Variants in PACRG observed in about 807,000 individuals in gnomAD.
The protein encoded by PACRG is parkin coregulated, also known as parkin coregulated gene protein.
A neutral mutation model predicts 29.7 loss-of-function variants in PACRG; 29 were observed. That is an observed-to-expected ratio of 0.98 (90% CI 0.73 to 1.33). The LOEUF (loss-of-function observed/expected upper bound fraction) is 1.33, where lower values mean the gene tolerates loss of function less well. PACRG is among the 40% of genes most tolerant of loss of function. The probability of loss-of-function intolerance (pLI) is 0.00; values close to 1 mark genes in which losing one functional copy is unlikely to be tolerated. For missense variants in PACRG, 279 were observed against 316.2 expected, an observed-to-expected ratio of 0.88 and a Z score of 0.89; for synonymous variants, 116 against 118.7, an observed-to-expected ratio of 0.98 and a Z score of 0.15.
chr6:162,900,403 C>T (rs1291720145), intron 2 of PACRG, among the ~76,000 whole-genome samples: 1 of 152,156 alleles, frequency 6.6e-6, no homozygotes, highest in African/African-American at 2.4e-5. Context: ...GACGTGATAG[C>T]GTGCAAGACT....
chr6:162,830,681 T>G (rs1234937645), intron 2 of PACRG, among the ~76,000 whole-genome samples: 1 of 152,228 alleles, frequency 6.6e-6, no homozygotes, highest in Non-Finnish European at 1.5e-5. Flanking sequence ...AGGATGGTGA[T>G]CTAGTTGAAA....
intron 4 of PACRG, among the ~76,000 whole-genome samples, chr6:163,287,478 G>C (rs1388523219): frequency 6.6e-6 from 1 of 152,176 alleles, no homozygotes; most frequent in Non-Finnish European, 1.5e-5. Context: ...CTCCTGCGGA[G>C]GCTGCCCAGG....
chr6:163,063,331 G>A (rs896003763), intron 3 of PACRG, among the ~76,000 whole-genome samples: 1 of 151,854 alleles, frequency 6.6e-6, no homozygotes. Context: ...TGCTCCCCCC[G>A]CCCCAAGTTC....
intron 1 of PACRG, among the ~76,000 whole-genome samples, chr6:162,791,199 T>G (rs1361800462): frequency 2.0e-5 from 3 of 152,106 alleles, no homozygotes; most frequent in Non-Finnish European, 4.4e-5. Flanking sequence ...ACATAGATAC[T>G]TAACTTAGAT....
intron 2 of PACRG, among the ~76,000 whole-genome samples, chr6:162,977,000 G>A (rs1245973045): frequency 6.6e-6 from 1 of 151,998 alleles, no homozygotes; most frequent in Non-Finnish European, 1.5e-5. Flanking sequence ...CACTGTACAA[G>A]TCCTAAGAAA....
chr6:163,138,327 G>C (rs1817019968), intron 4 of PACRG, among the ~76,000 whole-genome samples: 1 of 152,120 alleles, frequency 6.6e-6, no homozygotes, highest in African/African-American at 2.4e-5. Context: ...ACAACCATGG[G>C]GGCGTATCTG....
intron 1 of PACRG, among the ~76,000 whole-genome samples, chr6:162,761,067 C>G (rs1375503701): frequency 6.6e-6 from 1 of 152,174 alleles, no homozygotes; most frequent in Non-Finnish European, 1.5e-5. Flanking sequence ...TCTGGCCACT[C>G]TTCACCACAG....
At chr6:162,835,688 T>A (rs893612596) in intron 2 of PACRG, among the ~76,000 whole-genome samples, 5 of 152,094 alleles carry the variant, frequency 3.3e-5, no homozygotes, top group African/African-American at 1.2e-4. Context: ...TGTTGTGTGG[T>A]GTTATATATT....
chr6:162,852,005 G>GAGGAAGGAAGGAA (rs1031155296), intron 2 of PACRG, among the ~76,000 whole-genome samples: 1 of 116,030 alleles, frequency 8.6e-6, no homozygotes, highest in African/African-American at 3.4e-5. Flanking sequence ...GGGAGGGAGG[G>GAGGAAGGAAGGAA]AGGAAGGAAG....
chr6:162,889,415 T>C (rs1794599342), intron 2 of PACRG, among the ~76,000 whole-genome samples: 1 of 152,208 alleles, frequency 6.6e-6, no homozygotes, highest in African/African-American at 2.4e-5. Flanking sequence ...TACTTCAAAC[T>C]ATTCTGAGTT....
intron 4 of PACRG, among the ~76,000 whole-genome samples, chr6:163,241,426 A>G (rs1212700721): frequency 1.3e-5 from 2 of 152,226 alleles, no homozygotes; most frequent in African/African-American, 4.8e-5. Context: ...AGGTGTGTGT[A>G]TGTAATACGC....
chr6:163,147,859 C>T (rs189908986), intron 4 of PACRG, among the ~76,000 whole-genome samples: 1 of 152,312 alleles, frequency 6.6e-6, no homozygotes, highest in Non-Finnish European at 1.5e-5. Context: ...CAATGCCCCT[C>T]TAGCACCTTT....
rs182515345 is a variant in PACRG, at chr6:162,849,750, C to T, written c.291+35469C>T. Among the ~76,000 whole-genome samples, 124 of 152,182 alleles carry T rather than the reference C, an allele frequency of 8.1e-4. No individual in the cohort carries two copies. The East Asian group carries it at 0.012, about 14-fold the overall frequency. On this transcript the variant is annotated intron_variant, in intron 2 of 4. Transcript: ENST00000366888. ...AATTAGACTATAACTTGTAAGTTTTCGATTTTTGAAATATCTAAATATTAA... is the reference window on the plus strand; with the variant it reads ...AATTAGACTATAACTTGTAAGTTTTTGATTTTTGAAATATCTAAATATTAA...
At chr6:162,981,305 A>ATATATATTTTTTTTT (rs925663285) in intron 2 of PACRG, among the ~76,000 whole-genome samples, 102 of 149,156 alleles carry the variant, frequency 6.8e-4, no homozygotes, top group African/African-American at 2.4e-3. Flanking sequence ...ATATATATAT[A>ATATATATTTTTTTTT]TTTACAATGG....
intron 4 of PACRG, among the ~76,000 whole-genome samples, chr6:163,184,080 C>A (rs1436104467): frequency 6.6e-6 from 1 of 152,140 alleles, no homozygotes; most frequent in Admixed American, 6.5e-5. Flanking sequence ...TTATTTTATT[C>A]TTATTGAACT....
chr6:162,751,511 G>A (rs549591083), intron 1 of PACRG, among the ~76,000 whole-genome samples: 2 of 151,942 alleles, frequency 1.3e-5, no homozygotes, highest in Non-Finnish European at 2.9e-5. Flanking sequence ...TAAAAAGTAT[G>A]AGTTTTCTAT....
intron 1 of PACRG, among the ~76,000 whole-genome samples, chr6:162,758,207 C>T (rs889646287): frequency 1.3e-5 from 2 of 152,014 alleles, no homozygotes; most frequent in Non-Finnish European, 2.9e-5. Flanking sequence ...TTTTACATGT[C>T]ATTATTTTTC....
chr6:162,852,027 G>GGAAGGAAA (rs1790952111), intron 2 of PACRG, among the ~76,000 whole-genome samples: 1 of 150,142 alleles, frequency 6.7e-6, no homozygotes, highest in African/African-American at 2.4e-5. Context: ...AAGGAAGGAA[G>GGAAGGAAA]GAAGGAAGGA....
chr6:163,025,775 C>G (rs890297924), intron 2 of PACRG, among the ~76,000 whole-genome samples: 1 of 152,206 alleles, frequency 6.6e-6, no homozygotes, highest in Non-Finnish European at 1.5e-5. Context: ...GTTCTTTCCA[C>G]GCAGCCTCAG....
Sources: gnomAD v4.1 joint callset for allele counts (sites outside exome capture counted in the v4.1 genomes callset) on GRCh38, gnomAD v4.1.1 for gene constraint, MANE v1.5 for transcripts, NCBI Gene and HGNC (gene_info 2026-07-23, HGNC 2026-07-21) for gene names.